TAC1: variants seen among roughly 807,000 people sequenced by gnomAD.
TAC1 encodes the protein protachykinin-1.
A neutral mutation model predicts 21.7 loss-of-function variants in TAC1; 12 were observed. That is an observed-to-expected ratio of 0.55 (90% confidence interval 0.35 to 0.89). TAC1 has a LOEUF of 0.89. Ranked by LOEUF, TAC1 falls within the 40% of genes least tolerant of loss-of-function variation. The pLI is 0.01. For missense variants in TAC1, 128 were observed against 151.4 expected (o/e 0.85, Z 0.81); for synonymous variants, 52 against 52.0 (o/e 1.00, Z 0.00).
At chr7:97,739,471 C>G (rs1338812816) in intron 6 of TAC1, among the ~76,000 whole-genome samples, 1 of 151,998 alleles carries the variant, frequency 6.6e-6, no homozygotes, top group African/African-American at 2.4e-5. Context: ...AGATTTGGCC[C>G]ATGGTCTCTG....
chr7:97,738,244 G>A (rs1789620669), intron 6 of TAC1, among the ~76,000 whole-genome samples: 1 of 151,844 alleles, frequency 6.6e-6, no homozygotes, highest in Admixed American at 6.6e-5. Flanking sequence ...CCCACTCATG[G>A]TCAGGGACCC....
chr7:97,738,614 TAATTGATGTAA>T (rs1226620883), intron 6 of TAC1, among the ~76,000 whole-genome samples: 2 of 149,316 alleles, frequency 1.3e-5, no homozygotes, highest in East Asian at 3.9e-4. Context: ...AGTGCATACT[TAATTGATGTAA>T]AATATGCAGC....
chr7:97,739,874 T>G lies in TAC1; in HGVS notation c.344T>G (p.Val115Gly), dbSNP rs747166094. The G allele has an allele frequency of 6.2e-7, 1 of 1,604,340 alleles. No homozygotes were observed. Among genetic ancestry groups the G allele is most frequent in the Admixed American group, 1.7e-5 (1 of 58,398 alleles). The change falls in exon 7 of 7, where the codon GTG becomes GGG. Residue 115 changes from valine to glycine, a missense_variant and splice_region_variant. Coordinates refer to ENST00000319273, the MANE Select transcript of TAC1 (RefSeq NM_003182.3). ...CACTTTATCTCTTCTTTGTTTTCAG[T>G]GGCTTATGAAAGGAGTGCAATGCAG... The part of the protein sequence containing the change: ...GLMGKRALNS[V>G]AYERSAMQNY...
intron 3 of TAC1, 123 bp downstream of exon 3, chr7:97,733,942 C>A (rs769751868): frequency 3.9e-6 from 4 of 1,024,542 alleles, no homozygotes; most frequent in Non-Finnish European, 5.8e-6. Context: ...GGTGTAATTC[C>A]CCAGGCGCGA....
At chr7:97,739,182 G>A (rs1789645031) in intron 6 of TAC1, among the ~76,000 whole-genome samples, 1 of 151,856 alleles carries the variant, frequency 6.6e-6, no homozygotes, top group Non-Finnish European at 1.5e-5. Context: ...CTTACCTATG[G>A]TAAATGGGCT....
In TAC1 at chr7:97,732,326, C is replaced by T. The variant is rs1371191704; in HGVS notation, c.-10+131C>T. 1 of 249,354 alleles carries T rather than the reference C, an allele frequency of 4.0e-6. No homozygotes were observed. Among genetic ancestry groups the T allele is most frequent in the Admixed American group, 5.0e-5 (1 of 20,130 alleles). The allele number at this position is 249,354 out of a possible 1,614,324, so 15.4% of individuals were successfully genotyped here. ...GACTGGCTTCCCAAACGCCAACGCC[C>T]CTCTTTGTCTTCCACCTGCAGAGTT... On this transcript the variant is annotated intron_variant, in intron 1 of 6. Coordinates refer to ENST00000319273, the MANE Select transcript of TAC1 (RefSeq NM_003182.3). This position sits in a 1 kb window ranked among gnomAD's most constrained non-coding sequence, Gnocchi z 6.2.
chr7:97,733,680 C>G (rs1232230620), intron 2 of TAC1, 43 bp from the exon 3 acceptor site: 6 of 1,603,250 alleles, frequency 3.7e-6, no homozygotes, highest in African/African-American at 2.7e-5. Flanking sequence ...GTGCCTCGCT[C>G]TGGTTGCCTT....
intron 3 of TAC1, 147 bp downstream of exon 3, chr7:97,733,966 C>A: frequency 2.4e-6 from 2 of 832,328 alleles, no homozygotes; most frequent in Non-Finnish European, 1.9e-6. Context: ...TGGCCCACAC[C>A]GCACTAAGGC....
In TAC1 at chr7:97,732,948, G is replaced by A; in HGVS notation, c.123+213G>A. On this transcript the variant is annotated intron_variant, in intron 2 of 6. Transcript: ENST00000319273. This position sits in a 1 kb window ranked among gnomAD's most constrained non-coding sequence, Gnocchi z 6.2. ...CAAGTTTCTTCCCGAGGGCTGCACC[G>A]TCCGGCCCAGGAACTCCCTGCAGTA... 3 of 591,352 alleles carry A rather than the reference G, an allele frequency of 5.1e-6. No homozygotes were observed. The South Asian group carries it at 7.3e-5, about 14-fold the overall frequency. The allele number at this position is 591,352 out of a possible 1,614,324, so 36.6% of individuals were successfully genotyped here.
chr7:97,732,972 TAGG>T lies in TAC1; in HGVS notation c.123+238_123+240del. The T allele has an allele frequency of 4.4e-6, 2 of 450,670 alleles. No individual in the cohort carries two copies. The highest frequency in any genetic ancestry group is 3.2e-5 in the South Asian group (1 of 31,154). The allele number at this position is 450,670 out of a possible 1,614,324, so 27.9% of individuals were successfully genotyped here. ...CGTCCGGCCCAGGAACTCCCTGCAG[TAGG>T]GATGCCCTCCCGGATGAGCCCGAGA... On this transcript the variant is annotated intron_variant, in intron 2 of 6. Coordinates refer to ENST00000319273, the MANE Select transcript of TAC1 (RefSeq NM_003182.3). This position sits in a 1 kb window ranked among gnomAD's most constrained non-coding sequence, Gnocchi z 6.2.
intron 6 of TAC1, among the ~76,000 whole-genome samples, chr7:97,737,132 C>T (rs1174867433): frequency 6.6e-6 from 1 of 151,954 alleles, no homozygotes; most frequent in Non-Finnish European, 1.5e-5. Context: ...ACACTGATTT[C>T]AATGTAAATA....
In TAC1 at chr7:97,736,338, G is replaced by T. The variant is rs769124233; in HGVS notation, c.329G>T (p.Arg110Ile). ...TCCTTTGTTGGACTAATGGGCAAAA[G>T]AGCTTTAAATTCTGGTATGTATGAA... ...TDSFVGLMGKRALNSVAYERS... is the reference protein window; with the variant it reads ...TDSFVGLMGKIALNSVAYERS... Residue 110 changes from arginine (R) to isoleucine (I), a missense_variant, in exon 6 of 7, where the codon AGA becomes ATA. By Grantham distance (97) the Arg-to-Ile change is moderately conservative. Coordinates refer to ENST00000319273, the MANE Select transcript of TAC1 (RefSeq NM_003182.3). 7.8e-5 allele frequency: 125 copies of T among 1,611,320 alleles called. No homozygotes were observed. The highest frequency in any genetic ancestry group is 1.0e-4 in the Non-Finnish European group (121 of 1,178,262).
At chr7:97,736,876 G>C in intron 6 of TAC1, among the ~76,000 whole-genome samples, 1 of 152,002 alleles carries the variant, frequency 6.6e-6, no homozygotes, top group East Asian at 1.9e-4. Context: ...ATGTTGGAGA[G>C]GACAAAAGTG....
rs573486501 is a variant in TAC1, at chr7:97,738,962, T to A, written c.344-912T>A. Among the ~76,000 whole-genome samples the A allele has an allele frequency of 3.3e-5, 5 of 151,156 alleles. No homozygotes were observed. The East Asian group carries it at 9.7e-4, about 29-fold the overall frequency. Reference sequence around the variant, plus strand: ...TTGCAACAGTCTGATTTTTACCCCTTTGTGGTTACAGATCCCTTTGAAATT... The same window carrying A: ...TTGCAACAGTCTGATTTTTACCCCTATGTGGTTACAGATCCCTTTGAAATT... On this transcript the variant is annotated intron_variant, in intron 6 of 6. Transcript: ENST00000319273.
At chr7:97,737,809 C>CT (rs996547947) in intron 6 of TAC1, among the ~76,000 whole-genome samples, 2 of 151,972 alleles carry the variant, frequency 1.3e-5, no homozygotes, top group African/African-American at 4.8e-5. Flanking sequence ...TATCTTCCCA[C>CT]TTTTGGAAAT....
At position 97,732,853 on chromosome 7, in the gene TAC1, CG is replaced by C. The variant is rs1789466268; in HGVS notation, c.123+120del. 3.0e-6 allele frequency: 4 copies of C among 1,321,440 alleles called. No homozygotes were observed. Among genetic ancestry groups the C allele is most frequent in the Admixed American group, 2.4e-5 (1 of 41,632 alleles). The allele number at this position is 1,321,440 out of a possible 1,614,324, so 81.9% of individuals were successfully genotyped here. On this transcript the variant is annotated intron_variant, in intron 2 of 6. Transcript: ENST00000319273. The surrounding 1 kb of genome is among the most constrained non-coding windows in gnomAD (Gnocchi z 6.2). Reference sequence around the variant, plus strand: ...GCACCGCCACCACGGAAAGAGGCAGCGGTTGCGTGCGAGAGGATGGAAAGGG... The same window carrying C: ...GCACCGCCACCACGGAAAGAGGCAGCGTTGCGTGCGAGAGGATGGAAAGGG...
intron 6 of TAC1, among the ~76,000 whole-genome samples, chr7:97,737,636 A>G (rs989981333): frequency 2.0e-5 from 3 of 152,002 alleles, no homozygotes; most frequent in Non-Finnish European, 2.9e-5. Context: ...GTTCTTGGTG[A>G]AGTCCACAGG....
intron 6 of TAC1, among the ~76,000 whole-genome samples, chr7:97,738,916 A>G (rs568026745): frequency 1.4e-4 from 22 of 151,818 alleles, no homozygotes; most frequent in Non-Finnish European, 2.9e-4. Context: ...TAAGGATGAA[A>G]AATATCCCAA....
chr7:97,736,269 A>G, intron 5 of TAC1, 30 bp from the exon 6 acceptor site: 1 of 1,586,134 alleles, frequency 6.3e-7, no homozygotes, highest in Non-Finnish European at 8.6e-7. Context: ...AGATATACAT[A>G]TTAAAATACC....
Sources: gnomAD v4.1 joint callset for allele counts (sites outside exome capture counted in the v4.1 genomes callset) on GRCh38, gnomAD v4.1.1 for gene constraint, Gnocchi (gnomAD v3.1) non-coding constraint, MANE v1.5 for transcripts, NCBI Gene and HGNC (gene_info 2026-07-23, HGNC 2026-07-21) for gene names.